Variants in COL25A1 observed in about 807,000 individuals in gnomAD.
COL25A1 encodes the protein collagen type XXV alpha 1 chain, also known as collagen alpha-1(XXV) chain.
In COL25A1, 103 loss-of-function variants were observed where a neutral mutation model predicts 128.4. The ratio of observed to expected loss-of-function variants is 0.80; its 90% CI spans 0.68 to 0.94. COL25A1 has a LOEUF of 0.94. Ranked by LOEUF, COL25A1 falls within the 40% of genes least tolerant of loss-of-function variation. The pLI is 0.00. For missense variants in COL25A1, 745 were observed against 840.0 expected, an observed-to-expected ratio of 0.89 and a Z score of 1.40; for synonymous variants, 279 against 277.2, an observed-to-expected ratio of 1.01 and a Z score of -0.06.
intron 33 of COL25A1, among the ~76,000 whole-genome samples, chr4:108,825,977 C>T (rs1043904126): frequency 2.0e-5 from 3 of 152,002 alleles, no homozygotes; most frequent in Non-Finnish European, 4.4e-5. Context: ...CCAAAGTTCA[C>T]GAGAGGTTAC....
At chr4:108,868,967 AG>A in intron 20 of COL25A1, 120 bp downstream of exon 20, 1 of 618,176 alleles carries the variant, frequency 1.6e-6, no homozygotes, top group South Asian at 2.0e-5. Flanking sequence ...GAAAAAGGAA[AG>A]AAAGGAAAGG....
At chr4:108,880,999 A>G (rs1172161824) in intron 19 of COL25A1, among the ~76,000 whole-genome samples, 5 of 152,206 alleles carry the variant, frequency 3.3e-5, no homozygotes, top group Admixed American at 6.5e-5. Context: ...CAGAAGATCA[A>G]TGTCTACATG....
At chr4:109,257,195 A>G (rs1212572454) in intron 3 of COL25A1, among the ~76,000 whole-genome samples, 1 of 152,208 alleles carries the variant, frequency 6.6e-6, no homozygotes, top group Non-Finnish European at 1.5e-5. Flanking sequence ...TATTTCATAT[A>G]TCATGTTCCC....
At chr4:109,027,594 A>G (rs1758423778) in intron 5 of COL25A1, among the ~76,000 whole-genome samples, 1 of 152,132 alleles carries the variant, frequency 6.6e-6, no homozygotes, top group Non-Finnish European at 1.5e-5. Flanking sequence ...GTAGAAAGGC[A>G]GGGGTGTACA....
chr4:108,974,516 G>A lies in COL25A1; in HGVS notation c.465+17C>T. ...ATGGATCTTCACTAACTTTATTTCT[G>A]GTATGCATTTTCTTACCTTATCGCC... is the stretch of plus-strand genomic sequence containing the variant. On this transcript the variant is annotated intron_variant, in intron 7 of 37. Transcript: ENST00000399132. The A allele has an allele frequency of 6.2e-7, 1 of 1,609,628 alleles. No homozygotes were observed.
chr4:108,924,840 T>C (rs1745866687), intron 11 of COL25A1, among the ~76,000 whole-genome samples: 1 of 152,190 alleles, frequency 6.6e-6, no homozygotes. Flanking sequence ...TACACCTCTG[T>C]CTGTTCCTAT....
intron 11 of COL25A1, among the ~76,000 whole-genome samples, chr4:108,933,991 C>T (rs922439493): frequency 1.3e-5 from 2 of 152,002 alleles, no homozygotes; most frequent in African/African-American, 4.8e-5. Context: ...TGGGTATATA[C>T]CCAAAGGATT....
chr4:108,885,683 TCTTTTATGTTAAAAAAGTATAAGG>T (rs1357583273), intron 18 of COL25A1, among the ~76,000 whole-genome samples: 2 of 152,212 alleles, frequency 1.3e-5, no homozygotes, highest in Non-Finnish European at 2.9e-5. Flanking sequence ...CTGAAAATTC[TCTTTTATGTTAAAAAAGTATAAGG>T]CCCTTGAAAA....
chr4:109,269,685 G>A (rs183498844), intron 3 of COL25A1, among the ~76,000 whole-genome samples: 2,862 of 151,986 alleles, frequency 0.019, 52 homozygotes, highest in Non-Finnish European at 0.029. Context: ...GATGGCCAGT[G>A]ACGGTGAACA....
At chr4:109,238,871 G>A (rs1382643421) in intron 3 of COL25A1, among the ~76,000 whole-genome samples, 1 of 152,028 alleles carries the variant, frequency 6.6e-6, no homozygotes, top group Non-Finnish European at 1.5e-5. Flanking sequence ...CTGGTACAGA[G>A]CAGGCAGTGG....
chr4:108,897,055 C>G (rs1050742414), intron 15 of COL25A1, among the ~76,000 whole-genome samples: 3 of 152,146 alleles, frequency 2.0e-5, no homozygotes, highest in African/African-American at 7.2e-5. Context: ...CCTGAATATG[C>G]CATGGGCCTT....
chr4:109,251,993 C>T (rs565666702), intron 3 of COL25A1, among the ~76,000 whole-genome samples: 42 of 152,316 alleles, frequency 2.8e-4, no homozygotes, highest in Middle Eastern at 3.4e-3. Context: ...TGTTGGGGAA[C>T]GTTGCAAGGC....
chr4:109,284,774 C>T (rs1723711633), intron 3 of COL25A1, among the ~76,000 whole-genome samples: 1 of 149,554 alleles, frequency 6.7e-6, no homozygotes, highest in Non-Finnish European at 1.5e-5. Flanking sequence ...GTTTTATAAA[C>T]ACAGGTAAGT....
At chr4:109,298,855 A>C (rs899265312) in intron 3 of COL25A1, among the ~76,000 whole-genome samples, 1 of 152,198 alleles carries the variant, frequency 6.6e-6, no homozygotes, top group African/African-American at 2.4e-5. Context: ...GAGGTAAAGC[A>C]GCTATTAGTG....
intron 11 of COL25A1, chr4:108,920,942 T>C (rs1459701393): frequency 1.6e-5 from 3 of 190,546 alleles, no homozygotes; most frequent in Admixed American, 1.2e-4. Flanking sequence ...ATATAGTCCC[T>C]AGAAGCAGTT....
rs62324324 is a variant in COL25A1, at chr4:109,231,184, T to C, written c.367+69399A>G. 0.013 allele frequency among the ~76,000 whole-genome samples: 1,964 copies of C among 152,042 alleles called. 77 individuals are homozygous for C. In the South Asian group the frequency reaches 0.14, roughly 11 times the overall value. ...TAATAAATAAATAAATTTAAAAATT[T>C]TCTTACATTAAAGTTAATCAATAAA... is the stretch of plus-strand genomic sequence containing the variant. On this transcript the variant is annotated intron_variant, in intron 3 of 37. Transcript: ENST00000399132.
chr4:109,108,916 C>G (rs1387510867), intron 3 of COL25A1, among the ~76,000 whole-genome samples: 2 of 152,084 alleles, frequency 1.3e-5, no homozygotes, highest in African/African-American at 2.4e-5. Flanking sequence ...ATTGTGATAT[C>G]TGCTTTATTG....
chr4:108,819,427 G>A (rs1731559979), intron 35 of COL25A1, 98 bp from the exon 36 acceptor site: 2 of 928,624 alleles, frequency 2.2e-6, no homozygotes, highest in African/African-American at 3.3e-5. Context: ...GGCTGGGAGA[G>A]GAGCAACTCT....
In COL25A1 at chr4:109,266,462, T is replaced by C. The variant is rs147683856; in HGVS notation, c.367+34121A>G. ...TCATGCCTTAAGCAGTGTAACAGAA[T>C]GTTCTAAAGGCTCCATTGACCCTAA... On this transcript the variant is annotated intron_variant, in intron 3 of 37. Transcript: ENST00000399132. Among the ~76,000 whole-genome samples, 11 of 152,252 alleles carry C rather than the reference T, an allele frequency of 7.2e-5. No homozygotes were observed. The East Asian group carries it at 2.1e-3, about 29-fold the overall frequency.
Sources: gnomAD v4.1 joint callset for allele counts (sites outside exome capture counted in the v4.1 genomes callset) on GRCh38, gnomAD v4.1.1 for gene constraint, MANE v1.5 for transcripts, NCBI Gene and HGNC (gene_info 2026-07-23, HGNC 2026-07-21) for gene names.